CALD1: variants seen among roughly 807,000 people sequenced by gnomAD.
CALD1 encodes the protein caldesmon 1.
Under a neutral mutation model 99.9 loss-of-function variants are expected in CALD1, and 33 were observed. That is an observed-to-expected ratio of 0.33 (90% CI 0.25 to 0.44). The LOEUF (loss-of-function observed/expected upper bound fraction) is 0.44. Among genes scored for constraint, CALD1 ranks in the 20% least tolerant of loss-of-function variants. CALD1 has a pLI of 1.00. For synonymous variants in CALD1, 310 were observed against 325.0 expected, an observed-to-expected ratio of 0.95 and a Z score of 0.50; for missense variants, 861 against 962.1, an observed-to-expected ratio of 0.89 and a Z score of 1.39.
At chr7:134,872,137 G>A (rs957158489) in intron 3 of CALD1, among the ~76,000 whole-genome samples, 1 of 152,204 alleles carries the variant, frequency 6.6e-6, no homozygotes, top group Non-Finnish European at 1.5e-5. Flanking sequence ...GGAGGCTGAG[G>A]TGGGTGGTCA....
At chr7:134,932,018 C>T (rs1174272348) in intron 4 of CALD1, among the ~76,000 whole-genome samples, 1 of 152,222 alleles carries the variant, frequency 6.6e-6, no homozygotes, top group Non-Finnish European at 1.5e-5. Flanking sequence ...TCTCTTGTGA[C>T]TCTCAATCCC....
intron 9 of CALD1, among the ~76,000 whole-genome samples, chr7:134,957,094 AAG>A (rs1255612522): frequency 1.3e-5 from 2 of 152,082 alleles, no homozygotes; most frequent in Non-Finnish European, 2.9e-5. Context: ...CACTTGGGCT[AAG>A]AGGGGCTTCA....
At chr7:134,761,855 GTAT>G (rs543710060) in intron 1 of CALD1, among the ~76,000 whole-genome samples, 1 of 152,110 alleles carries the variant, frequency 6.6e-6, no homozygotes, top group African/African-American at 2.4e-5. Flanking sequence ...ACCATTATTT[GTAT>G]TATTATTATT....
intron 3 of CALD1, among the ~76,000 whole-genome samples, chr7:134,896,392 G>C (rs910421061): frequency 1.3e-5 from 2 of 152,112 alleles, no homozygotes; most frequent in African/African-American, 2.4e-5. Flanking sequence ...CAAATGATCT[G>C]GACCCTTTAT....
intron 1 of CALD1, among the ~76,000 whole-genome samples, chr7:134,838,954 T>G (rs1245555077): frequency 2.6e-5 from 4 of 152,178 alleles, no homozygotes; most frequent in Non-Finnish European, 4.4e-5. Flanking sequence ...TATAGAGAAG[T>G]GCACAATTTA....
intron 1 of CALD1, among the ~76,000 whole-genome samples, chr7:134,804,053 T>C (rs1798044855): frequency 6.6e-6 from 1 of 152,232 alleles, no homozygotes; most frequent in Non-Finnish European, 1.5e-5. Flanking sequence ...TTGTCTTTTC[T>C]TGCAAATACC....
At chr7:134,767,066 G>A (rs960761812) in intron 1 of CALD1, among the ~76,000 whole-genome samples, 3 of 152,204 alleles carry the variant, frequency 2.0e-5, no homozygotes, top group Non-Finnish European at 2.9e-5. Flanking sequence ...AGAGACGAAA[G>A]AGCAGGAAGC....
chr7:134,881,687 T>A (rs888853753), intron 3 of CALD1, among the ~76,000 whole-genome samples: 2 of 152,218 alleles, frequency 1.3e-5, no homozygotes, highest in Non-Finnish European at 2.9e-5. Flanking sequence ...CCCTGCTGCC[T>A]TATGCTAGCT....
chr7:134,744,370 T>G (rs1437045568), intron 1 of CALD1: 1 of 152,122 alleles, frequency 6.6e-6, no homozygotes, highest in Non-Finnish European at 1.5e-5. Context: ...GCAGGTTGGT[T>G]ATTTAATGAA....
At chr7:134,898,654 A>G (rs1586240962) in intron 3 of CALD1, among the ~76,000 whole-genome samples, 1 of 151,862 alleles carries the variant, frequency 6.6e-6, no homozygotes, top group Non-Finnish European at 1.5e-5. Flanking sequence ...GCTCACTGCA[A>G]CCTCCACCTC....
rs1269780244 is a variant in CALD1, at chr7:134,968,555, A to C, written c.*210A>C. 1.4e-6 allele frequency: 1 copy of C among 703,990 alleles called. No individual in the cohort carries two copies. Among genetic ancestry groups the C allele is most frequent in the Non-Finnish European group, 2.6e-6 (1 of 383,220 alleles). 43.6% of individuals were successfully genotyped at this position (703,990 alleles called of 1,614,324 possible). A position where few individuals can be genotyped will look rare whatever the true frequency, so the allele number is the denominator to read the frequency against. ...GGTAAAAGTACTGCCTTTGCACAGG[A>C]GCCTGTTTCTAAAGAAACCCATGCT... is the stretch of plus-strand genomic sequence containing the variant. On this transcript the variant is annotated 3_prime_UTR_variant, in exon 15 of 15. Transcript: ENST00000361675.
At chr7:134,941,042 T>C in intron 6 of CALD1, 50 bp from the exon 7 acceptor site, 1 of 1,520,640 alleles carries the variant, frequency 6.6e-7, no homozygotes, top group South Asian at 1.3e-5. Flanking sequence ...AACCAAAACC[T>C]AATAAGATTT....
chr7:134,829,860 A>G (rs1799147899), intron 1 of CALD1, among the ~76,000 whole-genome samples: 1 of 152,232 alleles, frequency 6.6e-6, no homozygotes, highest in African/African-American at 2.4e-5. Context: ...AATAATGAAG[A>G]TAAATGAACC....
At chr7:134,739,745 G>A (rs1796576999), upstream of CALD1, among the ~76,000 whole-genome samples, 1 of 152,094 alleles carries the variant, frequency 6.6e-6, no homozygotes. Context: ...ATCACTTCAT[G>A]TGACTTCACG....
chr7:134,945,942 G>C (rs1806829059), intron 7 of CALD1, among the ~76,000 whole-genome samples: 1 of 152,232 alleles, frequency 6.6e-6, no homozygotes, highest in Non-Finnish European at 1.5e-5. Flanking sequence ...GTTGTGGACA[G>C]ATGGATTTAC....
At position 134,867,700 on chromosome 7, in the gene CALD1, C is replaced by T; in HGVS notation, c.-34C>T. Reference sequence around the variant, plus strand: ...CTACCTCCTCTCTTTCAGGTCCAGACATCATCTGGTCTCCCTGAACCTGAA... The same window carrying T: ...CTACCTCCTCTCTTTCAGGTCCAGATATCATCTGGTCTCCCTGAACCTGAA... On this transcript the variant is annotated 5_prime_UTR_variant, in exon 3 of 15. Coordinates refer to ENST00000361675, the MANE Select transcript of CALD1 (RefSeq NM_033138.4). 1 of 1,394,370 alleles carries T rather than the reference C, an allele frequency of 7.2e-7. No individual in the cohort carries two copies. Among genetic ancestry groups the T allele is most frequent in the Non-Finnish European group, 1.0e-6 (1 of 988,096 alleles). The allele number at this position is 1,394,370 out of a possible 1,614,324, so 86.4% of individuals were successfully genotyped here. A position where few individuals can be genotyped will look rare whatever the true frequency, so the allele number is the denominator to read the frequency against.
At chr7:134,750,111 AAAAC>A (rs59185876) in intron 1 of CALD1, among the ~76,000 whole-genome samples, 2,332 of 150,858 alleles carry the variant, frequency 0.015, 66 homozygotes, top group African/African-American at 0.054. Flanking sequence ...GGCAAGTGTT[AAAAC>A]AAACAAACAA....
At chr7:134,749,478 G>T (rs1327946664) in intron 1 of CALD1, among the ~76,000 whole-genome samples, 1 of 152,222 alleles carries the variant, frequency 6.6e-6, no homozygotes, top group South Asian at 2.1e-4. Context: ...AATTAGCTGG[G>T]CATGATGGCA....
At chr7:134,832,960 A>G (rs1355100347) in intron 1 of CALD1, among the ~76,000 whole-genome samples, 1 of 152,236 alleles carries the variant, frequency 6.6e-6, no homozygotes, top group Non-Finnish European at 1.5e-5. Context: ...CAGATATATA[A>G]GAATTATTGT....
Sources: gnomAD v4.1 joint callset for allele counts (sites outside exome capture counted in the v4.1 genomes callset) on GRCh38, gnomAD v4.1.1 for gene constraint, MANE v1.5 for transcripts, NCBI Gene and HGNC (gene_info 2026-07-23, HGNC 2026-07-21) for gene names.